Variants in ANTXR2 observed in about 807,000 individuals in gnomAD.
ANTXR2 encodes ANTXR cell adhesion molecule 2.
Under a neutral mutation model 73.7 loss-of-function variants are expected in ANTXR2, and 44 were observed. That is an observed-to-expected ratio of 0.60 (90% confidence interval 0.47 to 0.77). The LOEUF is 0.77. Among genes scored for constraint, ANTXR2 ranks in the 30% least tolerant of loss-of-function variants. ANTXR2 has a pLI of 0.00. For missense variants in ANTXR2, 604 were observed against 592.5 expected, an observed-to-expected ratio of 1.02 and a Z score of -0.20; for synonymous variants, 217 against 205.9, an observed-to-expected ratio of 1.05 and a Z score of -0.46.
intron 10 of ANTXR2, among the ~76,000 whole-genome samples, chr4:80,023,370 A>C (rs915601705): frequency 6.6e-6 from 1 of 152,222 alleles, no homozygotes; most frequent in African/African-American, 2.4e-5. Context: ...ATCTGCCAAT[A>C]AAATCACTCA....
intron 10 of ANTXR2, among the ~76,000 whole-genome samples, chr4:80,022,238 G>C (rs1732197951): frequency 6.6e-6 from 1 of 152,028 alleles, no homozygotes; most frequent in Non-Finnish European, 1.5e-5. Flanking sequence ...TAACTAGAAT[G>C]GCATTTACTA....
intron 16 of ANTXR2, among the ~76,000 whole-genome samples, chr4:79,909,728 A>C (rs1727052362): frequency 6.6e-6 from 1 of 152,170 alleles, no homozygotes; most frequent in African/African-American, 2.4e-5. Flanking sequence ...AAAAACAAGC[A>C]AATGCTCTTC....
chr4:79,934,542 CAA>C (rs755634385), intron 16 of ANTXR2, among the ~76,000 whole-genome samples: 12 of 138,322 alleles, frequency 8.7e-5, no homozygotes, highest in African/African-American at 2.5e-4. Flanking sequence ...ACAACAACAA[CAA>C]AAAAAAAAAA....
At chr4:79,937,278 T>C (rs746345830) in intron 16 of ANTXR2, among the ~76,000 whole-genome samples, 1 of 152,218 alleles carries the variant, frequency 6.6e-6, no homozygotes, top group Non-Finnish European at 1.5e-5. Context: ...CCTTGAAAAT[T>C]AATTACATAT....
At chr4:79,977,418 A>G in intron 16 of ANTXR2, 1 of 1,044,800 alleles carries the variant, frequency 9.6e-7, no homozygotes, top group Non-Finnish European at 1.3e-6. Flanking sequence ...TTGAAAAGGG[A>G]ATGGTGTAAA....
chr4:80,055,930 A>G lies in ANTXR2; in HGVS notation c.378+2T>C. 1 of 1,524,024 alleles carries G rather than the reference A, an allele frequency of 6.6e-7. No individual in the cohort carries two copies. The highest frequency in any genetic ancestry group is 8.8e-7 in the Non-Finnish European group (1 of 1,131,416). The allele number at this position is 1,524,024 out of a possible 1,614,324, so 94.4% of individuals were successfully genotyped here. A position where few individuals can be genotyped will look rare whatever the true frequency, so the allele number is the denominator to read the frequency against. On this transcript the variant is annotated splice_donor_variant, in intron 4 of 16. Coordinates refer to ENST00000403729, the MANE Select transcript of ANTXR2 (RefSeq NM_058172.6). LOFTEE classifies it high-confidence loss of function. Reference sequence around the variant, plus strand: ...CATATTTACAAATGTAAAATAACTTACTAGCTTTAGTCCTTCATGGATATA... The same window carrying G: ...CATATTTACAAATGTAAAATAACTTGCTAGCTTTAGTCCTTCATGGATATA...
At position 79,993,760 on chromosome 4, in the gene ANTXR2, G is replaced by GCGCGCGCGCGCACACACACACA. The variant is rs71662888; in HGVS notation, c.1042-8898_1042-8897insTGTGTGTGTGTGCGCGCGCGCG. On this transcript the variant is annotated intron_variant, in intron 12 of 16. Transcript: ENST00000403729. ...GGCAATACACCACACACACACACAC[G>GCGCGCGCGCGCACACACACACA]CACACACACACACACACACACACAT... 6.4e-5 allele frequency among the ~76,000 whole-genome samples: 9 copies of GCGCGCGCGCGCACACACACACA among 140,770 alleles called. No individual in the cohort carries two copies. The East Asian group carries it at 1.5e-3, about 23-fold the overall frequency. The allele number at this position is 140,770 out of a possible 152,430, so 92.4% of individuals were successfully genotyped here. A position where few individuals can be genotyped will look rare whatever the true frequency, so the allele number is the denominator to read the frequency against.
chr4:79,998,964 C>T (rs1205355159), intron 12 of ANTXR2, among the ~76,000 whole-genome samples: 2 of 151,984 alleles, frequency 1.3e-5, no homozygotes, highest in Non-Finnish European at 2.9e-5. Flanking sequence ...GTATGGAAAG[C>T]CCACGCACAC....
At chr4:79,922,758 G>A (rs993031849) in intron 16 of ANTXR2, among the ~76,000 whole-genome samples, 1 of 151,996 alleles carries the variant, frequency 6.6e-6, no homozygotes, top group East Asian at 1.9e-4. Context: ...CAAATATTGG[G>A]TCCAGAGCTC....
At chr4:79,975,858 A>G (rs982994022) in intron 16 of ANTXR2, among the ~76,000 whole-genome samples, 3 of 152,078 alleles carry the variant, frequency 2.0e-5, no homozygotes, top group Non-Finnish European at 4.4e-5. Flanking sequence ...GTCTTAGCAA[A>G]CAGTAAATGA....
Position 79,907,217 on chromosome 4 carries a change from G to A in ANTXR2, c.*212C>T, listed in dbSNP as rs931023726. 4 of 599,692 alleles carry A rather than the reference G, an allele frequency of 6.7e-6. No individual in the cohort carries two copies. Among genetic ancestry groups the A allele is most frequent in the African/African-American group, 1.9e-5 (1 of 52,738 alleles). 37.1% of individuals were successfully genotyped at this position (599,692 alleles called of 1,614,324 possible). The stretch of plus-strand genomic sequence containing the variant: ...GTCATAAATCATGAGTTACCACTGA[G>A]TTTCATCACCTCCCATGTAGATGGC... On this transcript the variant is annotated 3_prime_UTR_variant, in exon 17 of 17. Coordinates refer to ENST00000403729, the MANE Select transcript of ANTXR2 (RefSeq NM_058172.6).
intron 14 of ANTXR2, among the ~76,000 whole-genome samples, chr4:79,982,084 C>T (rs1428835643): frequency 1.3e-5 from 2 of 152,100 alleles, no homozygotes; most frequent in Non-Finnish European, 1.5e-5. Flanking sequence ...ATCTTTGGAA[C>T]ACTGGAATAT....
At chr4:79,908,906 AC>A (rs780906934) in intron 16 of ANTXR2, among the ~76,000 whole-genome samples, 11 of 152,178 alleles carry the variant, frequency 7.2e-5, no homozygotes, top group Non-Finnish European at 1.5e-4. Context: ...TTGCCAAAAC[AC>A]AATAAAACAA....
intron 2 of ANTXR2, among the ~76,000 whole-genome samples, chr4:80,071,082 A>G (rs1734764240): frequency 6.6e-6 from 1 of 152,184 alleles, no homozygotes. Context: ...CCACACACCC[A>G]CACATTGTGT....
At chr4:79,949,776 T>A (rs1728640797) in intron 16 of ANTXR2, among the ~76,000 whole-genome samples, 1 of 152,136 alleles carries the variant, frequency 6.6e-6, no homozygotes, top group African/African-American at 2.4e-5. Flanking sequence ...TGGAATAAAT[T>A]TTAGTTTTCT....
chr4:79,910,850 G>A (rs556196550), intron 16 of ANTXR2, among the ~76,000 whole-genome samples: 1 of 152,274 alleles, frequency 6.6e-6, no homozygotes, highest in East Asian at 1.9e-4. Context: ...AGAGGAAAAG[G>A]TAAGAAAGAA....
At chr4:79,997,360 C>T (rs1219498432) in intron 12 of ANTXR2, among the ~76,000 whole-genome samples, 1 of 151,854 alleles carries the variant, frequency 6.6e-6, no homozygotes, top group East Asian at 1.9e-4. Context: ...TCGGCAATGT[C>T]ATCTAGGTGC....
intron 3 of ANTXR2, among the ~76,000 whole-genome samples, chr4:80,057,351 G>T (rs1303615753): frequency 2.0e-5 from 3 of 151,886 alleles, no homozygotes; most frequent in African/African-American, 7.2e-5. Context: ...AAAACATTTT[G>T]TCATGCTGCA....
intron 12 of ANTXR2, among the ~76,000 whole-genome samples, chr4:79,992,418 T>C (rs948374756): frequency 6.6e-6 from 1 of 151,880 alleles, no homozygotes; most frequent in East Asian, 1.9e-4. Flanking sequence ...AATATAGATA[T>C]AAATAGTAAT....
Sources: gnomAD v4.1 joint callset for allele counts (sites outside exome capture counted in the v4.1 genomes callset) on GRCh38, gnomAD v4.1.1 for gene constraint, MANE v1.5 for transcripts, NCBI Gene and HGNC (gene_info 2026-07-23, HGNC 2026-07-21) for gene names.